The following SPMAP2L variants were observed in gnomAD, a reference collection of about 807,000 sequenced individuals.
SPMAP2L encodes the protein sperm microtubule associated protein 2 like.
chr4:56,555,620 T>C, the SPMAP2L span, among the ~76,000 whole-genome samples: 25 of 152,198 alleles, frequency 1.6e-4, no homozygotes, highest in African/African-American at 5.8e-4. Context: ...TATATAGCTC[T>C]TTTTTGATTA....
chr4:56,538,437 A>G, the SPMAP2L span, among the ~76,000 whole-genome samples: 1 of 152,172 alleles, frequency 6.6e-6, no homozygotes, highest in African/African-American at 2.4e-5. Context: ...TTTCCTGTCC[A>G]TGCTACCTAA....
the SPMAP2L span, among the ~76,000 whole-genome samples, chr4:56,607,995 G>GAAAAAA: frequency 1.2e-4 from 9 of 72,284 alleles, no homozygotes; most frequent in African/African-American, 2.5e-4. Context: ...CCTGTCTCAA[G>GAAAAAA]AAAAAAAAAA....
the SPMAP2L span, among the ~76,000 whole-genome samples, chr4:56,576,034 A>AT: frequency 7.0e-4 from 107 of 152,282 alleles, no homozygotes; most frequent in African/African-American, 2.6e-3. Context: ...TAGGTGGTAC[A>AT]TTTTCCATGG....
At chr4:56,575,580 C>T in the SPMAP2L span, 1 of 1,535,414 alleles carries the variant, frequency 6.5e-7, no homozygotes. Context: ...TTAGACAACC[C>T]TCCAAAAGGA....
At chr4:56,588,849 C>G in the SPMAP2L span, among the ~76,000 whole-genome samples, 9 of 152,156 alleles carry the variant, frequency 5.9e-5, no homozygotes, top group African/African-American at 2.2e-4. Flanking sequence ...TGTGGCTAGC[C>G]AATTATCCCA....
chr4:56,531,950 G>T, the SPMAP2L span, among the ~76,000 whole-genome samples: 1 of 152,242 alleles, frequency 6.6e-6, no homozygotes, highest in East Asian at 1.9e-4. Context: ...CCATTCCATT[G>T]GCTCTCTGGT....
At chr4:56,596,651 G>T in the SPMAP2L span, 1 of 1,496,144 alleles carries the variant, frequency 6.7e-7, no homozygotes, top group South Asian at 1.3e-5. Context: ...CGCTACCTTG[G>T]TATCCTTCAG....
the SPMAP2L span, chr4:56,593,764 G>A: frequency 1.3e-6 from 2 of 1,575,520 alleles, no homozygotes; most frequent in Admixed American, 1.7e-5. Flanking sequence ...AAACCAGGGA[G>A]CAACACACTG....
chr4:56,602,514 G>A, the SPMAP2L span, among the ~76,000 whole-genome samples: 1 of 152,058 alleles, frequency 6.6e-6, no homozygotes, highest in Non-Finnish European at 1.5e-5. Context: ...GCAACATGGT[G>A]AAACCCCGTC....
chr4:56,531,621 A>G, the SPMAP2L span, among the ~76,000 whole-genome samples: 1 of 152,218 alleles, frequency 6.6e-6, no homozygotes, highest in African/African-American at 2.4e-5. Context: ...TGTTTGGCAT[A>G]TGGTCACATG....
At chr4:56,540,086 T>C in the SPMAP2L span, among the ~76,000 whole-genome samples, 1 of 152,266 alleles carries the variant, frequency 6.6e-6, no homozygotes, top group Non-Finnish European at 1.5e-5. Flanking sequence ...CTCATATTAA[T>C]AGTAGCTTAT....
chr4:56,555,770 G>A, the SPMAP2L span, among the ~76,000 whole-genome samples: 1 of 13,808 alleles, frequency 7.2e-5, no homozygotes, highest in Non-Finnish European at 2.3e-4. Flanking sequence ...TTCTTTGTTG[G>A]CATACAAAAA....
the SPMAP2L span, among the ~76,000 whole-genome samples, chr4:56,625,278 G>T: frequency 6.6e-6 from 1 of 152,150 alleles, no homozygotes; most frequent in Non-Finnish European, 1.5e-5. Flanking sequence ...TAACTAGCTT[G>T]CTTTTGATTT....
the SPMAP2L span, chr4:56,595,605 T>C: frequency 7.7e-7 from 1 of 1,305,770 alleles, no homozygotes; most frequent in East Asian, 2.3e-5. Flanking sequence ...GAACAAATTC[T>C]GGCCAGTGAT....
the SPMAP2L span, among the ~76,000 whole-genome samples, chr4:56,572,234 G>A: frequency 6.6e-6 from 1 of 152,156 alleles, no homozygotes; most frequent in African/African-American, 2.4e-5. Context: ...GTATGTGCTG[G>A]TAGGTTTGTT....
chr4:56,559,081 G>A, the SPMAP2L span, among the ~76,000 whole-genome samples: 421 of 151,932 alleles, frequency 2.8e-3, 2 homozygotes, highest in African/African-American at 9.7e-3. Flanking sequence ...TTATAGGCAT[G>A]TGCCACCACG....
the SPMAP2L span, among the ~76,000 whole-genome samples, chr4:56,618,763 A>G: frequency 6.6e-6 from 1 of 152,232 alleles, no homozygotes; most frequent in Admixed American, 6.5e-5. Context: ...TGAGGATTTT[A>G]TAGAACGGAA....
the SPMAP2L span, chr4:56,559,580 C>T: frequency 1.4e-6 from 2 of 1,403,582 alleles, no homozygotes; most frequent in Non-Finnish European, 1.9e-6. Context: ...TTGTTTTTTG[C>T]TTTTTGAGAC....
chr4:56,623,517 T>A, the SPMAP2L span, among the ~76,000 whole-genome samples: 5 of 152,196 alleles, frequency 3.3e-5, no homozygotes, highest in Non-Finnish European at 5.9e-5. Context: ...TTTCAAAGTA[T>A]TATTTGGCCA....
Sources: gnomAD v4.1 joint callset for allele counts (sites outside exome capture counted in the v4.1 genomes callset) on GRCh38, gnomAD v4.1.1 for gene constraint, MANE v1.5 for transcripts, NCBI Gene and HGNC (gene_info 2026-07-23, HGNC 2026-07-21) for gene names.